Variants in CDH23 observed in about 807,000 individuals in gnomAD.
CDH23 encodes cadherin related 23, also known as cadherin-23.
A neutral mutation model predicts 317.1 loss-of-function variants in CDH23; 189 were observed. That is an observed-to-expected ratio of 0.60 (90% confidence interval 0.53 to 0.67). CDH23 has a LOEUF of 0.67. Ranked by LOEUF, CDH23 falls within the 30% of genes least tolerant of loss-of-function variation. CDH23 has a pLI of 0.00. For synonymous variants in CDH23, 1,839 were observed against 1,876.8 expected (o/e 0.98, Z 0.52); for missense variants, 4,401 against 4,592.4 (o/e 0.96, Z 1.20).
chr10:71,619,153 G>A (rs751287131), intron 11 of CDH23, among the ~76,000 whole-genome samples: 4 of 152,164 alleles, frequency 2.6e-5, no homozygotes, highest in East Asian at 3.9e-4. Flanking sequence ...TGGGCAACAC[G>A]GTGAAACCCC....
rs531872478 is a variant in CDH23 at position 71,444,311 on chromosome 10, T to A, written c.68-2007T>A. 1.1e-4 allele frequency among the ~76,000 whole-genome samples: 17 copies of A among 152,372 alleles called. No individual in the cohort carries two copies. The Middle Eastern group carries it at 0.024, about 213-fold the overall frequency. On this transcript the variant is annotated intron_variant, in intron 2 of 69. Transcript: ENST00000224721. ...ATGAAGTCCTATTATTATGGCTATT[T>A]TACACATGGGTAAACTGAGACATGG...
At chr10:71,409,242 C>T (rs148632216) in intron 1 of CDH23, among the ~76,000 whole-genome samples, 110 of 152,196 alleles carry the variant, frequency 7.2e-4, no homozygotes, top group Middle Eastern at 6.8e-3. Flanking sequence ...GTGTGGGGTC[C>T]GTCATGAAGC....
chr10:71,529,020 G>A (rs912686114), intron 6 of CDH23, among the ~76,000 whole-genome samples: 2 of 152,130 alleles, frequency 1.3e-5, no homozygotes, highest in Non-Finnish European at 2.9e-5. Context: ...TCTCTACTTT[G>A]AGTCTCTCTT....
At chr10:71,550,579 A>AAAAAAAAAAAAAAG (rs1564647432) in intron 6 of CDH23, among the ~76,000 whole-genome samples, 28 of 121,196 alleles carry the variant, frequency 2.3e-4, no homozygotes, top group East Asian at 5.0e-4. Context: ...AAAAAAAAAG[A>AAAAAAAAAAAAAAG]AAAAAGAAAA....
At chr10:71,398,428 A>AGTGTGT (rs143519061) in intron 1 of CDH23, among the ~76,000 whole-genome samples, 11,513 of 120,002 alleles carry the variant, frequency 0.096, 667 homozygotes, top group Non-Finnish European at 0.11. Flanking sequence ...GAGACACAGG[A>AGTGTGT]GTGTGTGTGT....
chr10:71,586,373 C>CA (rs750414140), intron 9 of CDH23, among the ~76,000 whole-genome samples: 2 of 152,164 alleles, frequency 1.3e-5, no homozygotes, highest in Non-Finnish European at 2.9e-5. Flanking sequence ...AATTAGCCAC[C>CA]ATTCAGTTTG....
chr10:71,515,394 T>TCTCTCTCACACACA (rs1491490493), intron 6 of CDH23, among the ~76,000 whole-genome samples: 4 of 26,630 alleles, frequency 1.5e-4, no homozygotes, highest in African/African-American at 3.4e-4. Context: ...TCTCTCTCTC[T>TCTCTCTCACACACA]CACACACACA....
chr10:71,684,980 G>A (rs1394427048), intron 18 of CDH23, among the ~76,000 whole-genome samples: 1 of 152,222 alleles, frequency 6.6e-6, no homozygotes, highest in African/African-American at 2.4e-5. Context: ...TGAGGCTCAG[G>A]GAGGACCCAG....
At chr10:71,651,115 A>G (rs909587746) in intron 14 of CDH23, among the ~76,000 whole-genome samples, 1 of 152,166 alleles carries the variant, frequency 6.6e-6, no homozygotes, top group Non-Finnish European at 1.5e-5. Flanking sequence ...TGTGATGGAG[A>G]GATCAGGGAG....
chr10:71,457,894 C>T (rs761765459), intron 3 of CDH23, among the ~76,000 whole-genome samples: 1 of 152,156 alleles, frequency 6.6e-6, no homozygotes, highest in Non-Finnish European at 1.5e-5. Flanking sequence ...GTGGTGATGG[C>T]GGTGGGGGTC....
chr10:71,680,295 T>C (rs10509334), intron 17 of CDH23, among the ~76,000 whole-genome samples: 65,141 of 152,126 alleles, frequency 0.43, 15,231 homozygotes, highest in Middle Eastern at 0.56. Flanking sequence ...TAAGGGCTCA[T>C]TTAACACCTC....
At chr10:71,542,790 C>CATGG (rs1856054963) in intron 6 of CDH23, among the ~76,000 whole-genome samples, 1 of 152,250 alleles carries the variant, frequency 6.6e-6, no homozygotes, top group Non-Finnish European at 1.5e-5. Flanking sequence ...GGCCAGGCTC[C>CATGG]AGGCTGCCAC....
intron 1 of CDH23, among the ~76,000 whole-genome samples, chr10:71,399,097 A>G (rs1030871660): frequency 3.3e-5 from 5 of 152,214 alleles, no homozygotes; most frequent in Non-Finnish European, 7.3e-5. Flanking sequence ...CAGTTTCACC[A>G]TTTGAGGTTC....
chr10:71,466,360 G>A (rs757934220), intron 3 of CDH23, among the ~76,000 whole-genome samples: 2 of 152,130 alleles, frequency 1.3e-5, no homozygotes, highest in Admixed American at 6.5e-5. Context: ...GCTCATGTGT[G>A]TGTGCTCATG....
chr10:71,550,584 A>G (rs968330122), intron 6 of CDH23, among the ~76,000 whole-genome samples: 40 of 150,262 alleles, frequency 2.7e-4, no homozygotes, highest in African/African-American at 9.3e-4. Context: ...AAAAGAAAAA[A>G]GAAAAAGAAA....
intron 3 of CDH23, among the ~76,000 whole-genome samples, chr10:71,473,235 A>G (rs1851611338): frequency 6.6e-6 from 1 of 152,174 alleles, no homozygotes; most frequent in Admixed American, 6.5e-5. Context: ...TGGAATACAG[A>G]GCCTGGAGAC....
At chr10:71,677,983 C>T (rs1312755534) in intron 16 of CDH23, among the ~76,000 whole-genome samples, 1 of 152,152 alleles carries the variant, frequency 6.6e-6, no homozygotes, top group Non-Finnish European at 1.5e-5. Flanking sequence ...GAGGGGCTGA[C>T]CTTCTATCCG....
intron 38 of CDH23, chr10:71,755,396 G>T: frequency 6.2e-7 from 1 of 1,613,460 alleles, no homozygotes; most frequent in Non-Finnish European, 8.5e-7. Flanking sequence ...TGTAGACCAG[G>T]AGCAGGATGA....
chr10:71,663,314 C>G (rs1863755165), intron 14 of CDH23, among the ~76,000 whole-genome samples: 1 of 152,178 alleles, frequency 6.6e-6, no homozygotes, highest in Non-Finnish European at 1.5e-5. Context: ...TCTCTCCGTG[C>G]CCCGACCCGT....
Sources: allele counts gnomAD v4.1 joint callset (sites outside exome capture counted in the v4.1 genomes callset), GRCh38; gene constraint gnomAD v4.1.1; transcripts MANE v1.5; gene names NCBI Gene and HGNC (gene_info 2026-07-23, HGNC 2026-07-21).